The following TCEA3 variants were observed in gnomAD, a reference collection of about 807,000 sequenced individuals.
TCEA3 encodes transcription elongation factor A protein 3.
TCEA3 carries 36 observed loss-of-function variants against 44.0 expected under a neutral mutation model. The observed-to-expected ratio is 0.82, with a 90% confidence interval of 0.63 to 1.08. TCEA3 has a LOEUF of 1.08. Ranked by LOEUF, TCEA3 falls within the 50% of genes least tolerant of loss-of-function variation. TCEA3 has a pLI of 0.00. For missense variants in TCEA3, 392 were observed against 441.2 expected (o/e 0.89, Z 1.00); for synonymous variants, 162 against 159.7 (o/e 1.01, Z -0.11).
intron 5 of TCEA3, among the ~76,000 whole-genome samples, chr1:23,399,165 T>TAC (rs1338962170): frequency 1.5e-5 from 2 of 130,068 alleles, no homozygotes; most frequent in Non-Finnish European, 3.2e-5. Flanking sequence ...TATATATATA[T>TAC]ATATATATAT....
intron 4 of TCEA3, among the ~76,000 whole-genome samples, chr1:23,412,954 T>A (rs1403039208): frequency 6.6e-6 from 1 of 152,122 alleles, no homozygotes; most frequent in Non-Finnish European, 1.5e-5. Context: ...CCCCGACAAC[T>A]GGCTTCTCCC....
chr1:23,408,843 C>T, intron 4 of TCEA3, 117 bp from the exon 5 acceptor site: 2 of 931,644 alleles, frequency 2.1e-6, no homozygotes, highest in Non-Finnish European at 3.2e-6. Context: ...AGGAAGCCCA[C>T]CCGGGCCACA....
At chr1:23,383,323 G>A (rs538164205) in intron 10 of TCEA3, 1 of 713,332 alleles carries the variant, frequency 1.4e-6, no homozygotes, top group African/African-American at 1.9e-5. Flanking sequence ...CAGGAAGTCG[G>A]AGCATCGGCT....
chr1:23,424,722 C>CCT lies in TCEA3; in HGVS notation c.-90_-89insAG. The CCT allele has an allele frequency of 1.0e-6, 1 of 965,458 alleles. No individual in the cohort carries two copies. The highest frequency in any genetic ancestry group is 1.6e-6 in the Non-Finnish European group (1 of 640,730). The allele number at this position is 965,458 out of a possible 1,614,324, so 59.8% of individuals were successfully genotyped here. ...AGGCGCGAAGGCGGAGGGCGCGCAA[C>CCT]CCGCGCGGGCCCCAAACACACACGA... On this transcript the variant is annotated 5_prime_UTR_variant, in exon 1 of 11. Coordinates refer to ENST00000450454, the MANE Select transcript of TCEA3 (RefSeq NM_003196.3).
intron 5 of TCEA3, among the ~76,000 whole-genome samples, chr1:23,400,862 C>T (rs1320868669): frequency 6.6e-6 from 1 of 152,214 alleles, no homozygotes; most frequent in Non-Finnish European, 1.5e-5. Context: ...ATACAGTGCA[C>T]AGCCTGGGCA....
chr1:23,389,502 A>G (rs1008263128), intron 8 of TCEA3, among the ~76,000 whole-genome samples: 51 of 150,406 alleles, frequency 3.4e-4, no homozygotes, highest in Non-Finnish European at 7.3e-4. Flanking sequence ...AAAAAAAAAA[A>G]GCCAGGCATT....
At chr1:23,384,535 C>T in intron 9 of TCEA3, 118 bp from the exon 10 acceptor site, 1 of 1,021,404 alleles carries the variant, frequency 9.8e-7, no homozygotes, top group Non-Finnish European at 1.4e-6. Flanking sequence ...TTCCCACCCC[C>T]CGCTGGCAAT....
intron 5 of TCEA3, among the ~76,000 whole-genome samples, chr1:23,404,394 C>G (rs1389105343): frequency 6.6e-6 from 1 of 151,888 alleles, no homozygotes; most frequent in Non-Finnish European, 1.5e-5. Flanking sequence ...CCATTCTCAG[C>G]TCAAATACTT....
At chr1:23,396,961 C>T (rs913431978) in intron 7 of TCEA3, among the ~76,000 whole-genome samples, 39 of 146,144 alleles carry the variant, frequency 2.7e-4, no homozygotes, top group Middle Eastern at 3.5e-3. Flanking sequence ...GGCGAGATTG[C>T]GCCATCGCAC....
intron 10 of TCEA3, among the ~76,000 whole-genome samples, chr1:23,381,707 T>G (rs923737532): frequency 3.9e-5 from 6 of 152,200 alleles, no homozygotes; most frequent in African/African-American, 1.4e-4. Flanking sequence ...GGCAATTCGG[T>G]GCCAGGAATG....
intron 4 of TCEA3, among the ~76,000 whole-genome samples, chr1:23,415,014 C>CTTTTTTTTTTT (rs59946326): frequency 2.3e-5 from 1 of 43,116 alleles, no homozygotes; most frequent in Admixed American, 3.0e-4. Context: ...CTTTACTGTT[C>CTTTTTTTTTTT]TTTTTTTTTT....
At chr1:23,404,066 T>A in intron 5 of TCEA3, 1 of 697,590 alleles carries the variant, frequency 1.4e-6, no homozygotes, top group South Asian at 1.5e-5. Flanking sequence ...AAAATCCTCC[T>A]GCCCCAGGTC....
intron 4 of TCEA3, among the ~76,000 whole-genome samples, chr1:23,413,982 G>A (rs1466142441): frequency 1.1e-4 from 8 of 75,020 alleles, no homozygotes; most frequent in African/African-American, 3.6e-4. Context: ...TAGTCTAGCA[G>A]GATGTATATA....
At position 23,417,008 on chromosome 1, in the gene TCEA3, C is replaced by T. The variant is rs182306144; in HGVS notation, c.380+241G>A. On this transcript the variant is annotated intron_variant, in intron 4 of 10. Coordinates refer to ENST00000450454, the MANE Select transcript of TCEA3 (RefSeq NM_003196.3). Reference sequence around the variant, plus strand: ...GAAATGCTGGAGGCCCTCCCGCAGACGCACTCTTTCCTGTCCCTGCATCCT... The same window carrying T: ...GAAATGCTGGAGGCCCTCCCGCAGATGCACTCTTTCCTGTCCCTGCATCCT... 7.2e-5 allele frequency among the ~76,000 whole-genome samples: 11 copies of T among 152,186 alleles called. No homozygotes were observed. The East Asian group carries it at 7.8e-4, about 11-fold the overall frequency.
At chr1:23,417,802 C>A (rs907343471) in intron 3 of TCEA3, 102 bp downstream of exon 3, 10 of 1,061,082 alleles carry the variant, frequency 9.4e-6, no homozygotes, top group Non-Finnish European at 1.4e-5. Flanking sequence ...CTGATTAAGT[C>A]ACTCAACAGA....
intron 4 of TCEA3, among the ~76,000 whole-genome samples, chr1:23,416,995 G>A (rs1639910627): frequency 6.6e-6 from 1 of 151,978 alleles, no homozygotes; most frequent in Non-Finnish European, 1.5e-5. Flanking sequence ...AATGCTGGAG[G>A]CCCTCCCGCA....
At chr1:23,401,773 T>C (rs982967618) in intron 5 of TCEA3, among the ~76,000 whole-genome samples, 2 of 152,072 alleles carry the variant, frequency 1.3e-5, no homozygotes, top group Non-Finnish European at 2.9e-5. Context: ...TCCCACCCCC[T>C]GGGGCCACGG....
At chr1:23,395,349 G>A (rs963787701) in intron 7 of TCEA3, among the ~76,000 whole-genome samples, 1 of 152,194 alleles carries the variant, frequency 6.6e-6, no homozygotes, top group African/African-American at 2.4e-5. Flanking sequence ...GCAGACCGGG[G>A]GCACCGGCCC....
In TCEA3 at chr1:23,381,483, C is replaced by T. The variant is rs368440010; in HGVS notation, c.1039-9G>A. On this transcript the variant is annotated splice_polypyrimidine_tract_variant and intron_variant, in intron 10 of 10. Transcript: ENST00000450454. ...CTGTTCCATCAGCAGAACTACAAAA[C>T]CAGAAAGGCAACAAAATTTGAAAGG... 37 of 780,720 alleles carry T rather than the reference C, an allele frequency of 4.7e-5. No homozygotes were observed. The highest frequency in any genetic ancestry group is 2.9e-5 in the Non-Finnish European group (12 of 417,984). The allele number at this position is 780,720 out of a possible 1,614,324, so 48.4% of individuals were successfully genotyped here.
Sources: gnomAD v4.1 joint callset for allele counts (sites outside exome capture counted in the v4.1 genomes callset) on GRCh38, gnomAD v4.1.1 for gene constraint, MANE v1.5 for transcripts, NCBI Gene and HGNC (gene_info 2026-07-23, HGNC 2026-07-21) for gene names.